Variants in ADGRL2 observed in about 807,000 individuals in gnomAD.
ADGRL2 encodes the protein calcium-independent alpha-latrotoxin receptor 2.
Under a neutral mutation model 157.4 loss-of-function variants are expected in ADGRL2, and 44 were observed. The ratio of observed to expected loss-of-function variants is 0.28; its 90% CI spans 0.22 to 0.36. ADGRL2 has a LOEUF of 0.36. ADGRL2 is among the 10% of genes least tolerant of loss of function. ADGRL2 has a pLI of 1.00. For missense variants in ADGRL2, 1,510 were observed against 1,768.9 expected (o/e 0.85, Z 2.63); for synonymous variants, 585 against 624.7 (o/e 0.94, Z 0.95).
At chr1:81,976,700 AAT>A (rs1660287220) in intron 17 of ADGRL2, among the ~76,000 whole-genome samples, 1 of 151,962 alleles carries the variant, frequency 6.6e-6, no homozygotes, top group African/African-American at 2.4e-5. Context: ...GTTTAGAAAA[AAT>A]ACAACTAACT....
At chr1:81,976,342 A>G (rs989596872) in intron 17 of ADGRL2, among the ~76,000 whole-genome samples, 2 of 151,860 alleles carry the variant, frequency 1.3e-5, no homozygotes, top group East Asian at 3.9e-4. Flanking sequence ...CCATTGCCTC[A>G]TTATTTGTAT....
intron 2 of ADGRL2, chr1:81,502,207 A>G: frequency 6.2e-7 from 1 of 1,600,368 alleles, no homozygotes. Context: ...ATCTACTTCC[A>G]GCACCAGGGC....
intron 1 of ADGRL2, among the ~76,000 whole-genome samples, chr1:81,423,544 T>C (rs902440146): frequency 2.6e-5 from 4 of 152,248 alleles, no homozygotes; most frequent in African/African-American, 7.2e-5. Context: ...ATGGGGACTC[T>C]ATAACTCAGA....
At chr1:81,642,316 A>G (rs1272818047) in intron 3 of ADGRL2, among the ~76,000 whole-genome samples, 1 of 151,032 alleles carries the variant, frequency 6.6e-6, no homozygotes, top group Non-Finnish European at 1.5e-5. Context: ...GCTGCTTGGG[A>G]GAATGAGGCA....
chr1:81,591,875 G>A (rs528058325), intron 3 of ADGRL2, among the ~76,000 whole-genome samples: 3 of 152,238 alleles, frequency 2.0e-5, no homozygotes, highest in Non-Finnish European at 2.9e-5. Context: ...CCCCAGTTGA[G>A]CCTTCTGGTG....
In ADGRL2 at chr1:81,840,790, A is replaced by T. The variant is rs2092545299; in HGVS notation, c.73+3733A>T. ...TCCAAATAAAAATGATTTTATACAG[A>T]CCAAACTTGCAAAATATTTTGTAAA... is the stretch of plus-strand genomic sequence containing the variant. On this transcript the variant is annotated intron_variant, in intron 2 of 23. Transcript: ENST00000686636. Among the ~76,000 whole-genome samples the T allele has an allele frequency of 8.5e-5, 13 of 152,176 alleles. 1 individual carries two copies.
chr1:81,652,356 A>T (rs1289627699), intron 3 of ADGRL2, among the ~76,000 whole-genome samples: 1 of 152,114 alleles, frequency 6.6e-6, no homozygotes, highest in Admixed American at 6.6e-5. Context: ...TAGACCTAGA[A>T]CTTTCATTCC....
chr1:81,541,997 T>C (rs1011322062), intron 2 of ADGRL2, among the ~76,000 whole-genome samples: 1 of 152,012 alleles, frequency 6.6e-6, no homozygotes, highest in African/African-American at 2.4e-5. Context: ...CCAAACAATA[T>C]CTTGGAATAA....
intron 2 of ADGRL2, among the ~76,000 whole-genome samples, chr1:81,879,852 C>A (rs922158935): frequency 6.6e-6 from 1 of 151,962 alleles, no homozygotes. Context: ...TGTGGTGAAA[C>A]CCTGTCTCTA....
intron 2 of ADGRL2, among the ~76,000 whole-genome samples, chr1:81,521,167 A>C (rs1323493529): frequency 6.6e-6 from 1 of 152,206 alleles, no homozygotes; most frequent in Admixed American, 6.5e-5. Flanking sequence ...GAACATGCAG[A>C]GGGAAACACA....
intron 3 of ADGRL2, among the ~76,000 whole-genome samples, chr1:81,589,850 C>A (rs1363108119): frequency 1.3e-5 from 2 of 152,194 alleles, no homozygotes; most frequent in African/African-American, 4.8e-5. Flanking sequence ...CAACCTCTAA[C>A]TGGCTCATGC....
At chr1:81,391,253 C>T (rs1327743589) in intron 1 of ADGRL2, among the ~76,000 whole-genome samples, 2 of 152,310 alleles carry the variant, frequency 1.3e-5, no homozygotes, top group African/African-American at 2.4e-5. Flanking sequence ...GTGGTTTGTG[C>T]TTGTGGCACT....
chr1:81,377,971 G>C (rs996528381), intron 1 of ADGRL2, among the ~76,000 whole-genome samples: 2 of 152,098 alleles, frequency 1.3e-5, no homozygotes, highest in African/African-American at 4.8e-5. Flanking sequence ...ACGAGGTCAA[G>C]AGATCGAGAT....
At chr1:81,421,216 T>A (rs1255636308) in intron 1 of ADGRL2, among the ~76,000 whole-genome samples, 1 of 152,228 alleles carries the variant, frequency 6.6e-6, no homozygotes, top group African/African-American at 2.4e-5. Context: ...GTTTAAATTA[T>A]GTCCACCTAA....
Position 81,754,220 on chromosome 1 carries a change from C to CCTCT in ADGRL2, c.-142-7584_-142-7581dup, listed in dbSNP as rs1203937430. Among the ~76,000 whole-genome samples the CCTCT allele has an allele frequency of 1.7e-4, 21 of 120,646 alleles. No individual in the cohort carries two copies. In the East Asian group the frequency reaches 1.8e-3, roughly 10 times the overall value. The allele number at this position is 120,646 out of a possible 152,430, so 79.1% of individuals were successfully genotyped here. On this transcript the variant is annotated intron_variant, in intron 1 of 20. Transcript: ENST00000359929. Reference sequence around the variant, plus strand: ...CCCTCCCTCCCTCCCTCCCTTCCTTCCTCTCTCTCTTTCTTTCTTTCTTTC... The same window carrying CCTCT: ...CCCTCCCTCCCTCCCTCCCTTCCTTCCTCTCTCTCTCTCTTTCTTTCTTTCTTTC...
intron 2 of ADGRL2, among the ~76,000 whole-genome samples, chr1:81,454,125 C>T (rs2077754398): frequency 6.6e-6 from 1 of 150,716 alleles, no homozygotes; most frequent in Admixed American, 6.6e-5. Flanking sequence ...AAAGTTAAAC[C>T]AGGGCATTAT....
At chr1:81,367,311 AACCCATC>A (rs2076083266) in intron 1 of ADGRL2, among the ~76,000 whole-genome samples, 2 of 152,146 alleles carry the variant, frequency 1.3e-5, no homozygotes, top group African/African-American at 4.8e-5. Context: ...TGCAGGGATC[AACCCATC>A]ACCCAGGTAT....
chr1:81,740,447 C>T (rs892210327), intron 1 of ADGRL2, among the ~76,000 whole-genome samples: 1 of 152,072 alleles, frequency 6.6e-6, no homozygotes, highest in Admixed American at 6.6e-5. Flanking sequence ...TAGCTTAAAA[C>T]CATTTTTTTA....
intron 1 of ADGRL2, among the ~76,000 whole-genome samples, chr1:81,338,139 G>T (rs956293092): frequency 1.7e-4 from 26 of 152,280 alleles, no homozygotes; most frequent in Middle Eastern, 6.8e-3. Context: ...TAGGGTGGCA[G>T]ATCACCTGAG....
Sources: allele counts gnomAD v4.1 joint callset (sites outside exome capture counted in the v4.1 genomes callset), GRCh38; gene constraint gnomAD v4.1.1; transcripts MANE v1.5; gene names NCBI Gene and HGNC (gene_info 2026-07-23, HGNC 2026-07-21).